The following KRT86 variants were observed in gnomAD, a reference collection of about 807,000 sequenced individuals.
KRT86 encodes the protein keratin 86.
Under a neutral mutation model 41.2 loss-of-function variants are expected in KRT86, and 30 were observed. That is an observed-to-expected ratio of 0.73 (90% CI 0.54 to 0.99). The LOEUF (loss-of-function observed/expected upper bound fraction) is 0.99. Among genes scored for constraint, KRT86 ranks in the 50% least tolerant of loss-of-function variants. The pLI, the probability that KRT86 is intolerant of heterozygous loss-of-function variation, is 0.00. For synonymous variants in KRT86, 238 were observed against 238.1 expected (o/e 1.00, Z 0.00); for missense variants, 561 against 571.4 (o/e 0.98, Z 0.19).
At chr12:52,291,805 G>A (rs1012893631) in intron 2 of KRT86, among the ~76,000 whole-genome samples, 23 of 152,130 alleles carry the variant, frequency 1.5e-4, no homozygotes, top group African/African-American at 5.3e-4. Flanking sequence ...GAGGGAAGGG[G>A]AAGGCAGAGG....
At chr12:52,291,611 T>C in intron 2 of KRT86, 1 of 1,317,796 alleles carries the variant, frequency 7.6e-7, no homozygotes, top group Non-Finnish European at 1.0e-6. Flanking sequence ...GTTGGGGCAA[T>C]TTGCGCTTTA....
Position 52,306,045 on chromosome 12 carries a change from C to G in KRT86, c.1027-15C>G, listed in dbSNP as rs61915661. ...CAGGGACTCTAATCTACCTTGTTCT[C>G]TCTGTTCTCTTCAGAATTCCAAGCT... On this transcript the variant is annotated splice_polypyrimidine_tract_variant and intron_variant, in intron 8 of 10. Coordinates refer to ENST00000423955, the MANE Select transcript of KRT86 (RefSeq NM_001320198.2). 1.2e-6 allele frequency: 2 copies of G among 1,613,646 alleles called. No homozygotes were observed. The highest frequency in any genetic ancestry group is 1.7e-6 in the Non-Finnish European group (2 of 1,179,958).
rs747982135 is a variant in KRT86 at position 52,287,992 on chromosome 12, G to A, written c.-5+12046G>A. On this transcript the variant is annotated intron_variant, in intron 2 of 10. Coordinates refer to ENST00000423955, the MANE Select transcript of KRT86 (RefSeq NM_001320198.2). ...TGTCCTGTGCCACTCACCTTGCTGCGGTACCAGGACTCGGCCTCGGCCCGG... is the reference window on the plus strand; with the variant it reads ...TGTCCTGTGCCACTCACCTTGCTGCAGTACCAGGACTCGGCCTCGGCCCGG... The A allele has an allele frequency of 4.8e-5, 78 of 1,614,080 alleles. No individual in the cohort carries two copies. Among genetic ancestry groups the A allele is most frequent in the South Asian group, 3.2e-4 (29 of 91,080 alleles).
chr12:52,285,173 C>T (rs1315580187), intron 2 of KRT86, among the ~76,000 whole-genome samples: 2 of 152,162 alleles, frequency 1.3e-5, no homozygotes, highest in South Asian at 2.1e-4. Context: ...GAAACAGGCA[C>T]AGAGAGGGTA....
chr12:52,292,808 C>A (rs1938162687), intron 2 of KRT86, among the ~76,000 whole-genome samples: 1 of 152,140 alleles, frequency 6.6e-6, no homozygotes, highest in African/African-American at 2.4e-5. Flanking sequence ...TATTATATCA[C>A]CCCAGGAAGC....
rs1425092701 is a variant in KRT86, at chr12:52,301,927, G to T, written c.11G>T (p.Gly4Val). 6.8e-6 allele frequency: 11 copies of T among 1,613,714 alleles called. No individual in the cohort carries two copies. The highest frequency in any genetic ancestry group is 8.5e-6 in the Non-Finnish European group (10 of 1,179,778). MTC[G>V]SYCGGRAFSC... The stretch of plus-strand genomic sequence containing the variant: ...TCCCCAAAAAGCACCATGACTTGTG[G>T]ATCTTACTGTGGTGGCCGCGCCTTC... The change falls in exon 3 of 11, where the codon GGA becomes GTA. Residue 4 changes from glycine to valine, a missense_variant. Physicochemically the swap from Gly to Val is moderately radical, Grantham distance 109. Around this residue, in one of 3 missense-constraint regions of KRT86, gnomAD observed 164 missense variants for 172.5 expected, o/e 0.95. Transcript: ENST00000423955.
chr12:52,298,628 A>G (rs140675957), intron 2 of KRT86, among the ~76,000 whole-genome samples: 1 of 152,310 alleles, frequency 6.6e-6, no homozygotes, highest in Non-Finnish European at 1.5e-5. Context: ...GGTGGGTACT[A>G]TTATTATCTT....
intron 9 of KRT86, chr12:52,306,548 T>C (rs979114954): frequency 4.2e-5 from 25 of 597,396 alleles, no homozygotes; most frequent in African/African-American, 4.1e-4. Context: ...AGAAGCCTAA[T>C]TAAGGCTTGG....
At chr12:52,306,766 T>C (rs1334998112) in intron 9 of KRT86, 1 of 207,890 alleles carries the variant, frequency 4.8e-6, no homozygotes, top group Non-Finnish European at 9.8e-6. Flanking sequence ...TGGTATTCCA[T>C]TGTGGCAGGT....
chr12:52,274,705 C>T lies in KRT86; in HGVS notation c.-148C>T, dbSNP rs1352618205. ...TGCTCAAGAGAGGCTTGGAGGAGAC[C>T]ACAGTTCTTTCTCCATGGTGAGACT... On this transcript the variant is annotated 5_prime_UTR_variant, in exon 1 of 11. Coordinates refer to ENST00000423955, the MANE Select transcript of KRT86 (RefSeq NM_001320198.2). 5 of 985,256 alleles carry T rather than the reference C, an allele frequency of 5.1e-6. No individual in the cohort carries two copies. The highest frequency in any genetic ancestry group is 1.7e-5 in the African/African-American group (1 of 57,204). 61.0% of individuals were successfully genotyped at this position (985,256 alleles called of 1,614,324 possible). A position where few individuals can be genotyped will look rare whatever the true frequency, so the allele number is the denominator to read the frequency against.
At chr12:52,301,533 C>T (rs1221084215) in intron 2 of KRT86, among the ~76,000 whole-genome samples, 6 of 152,130 alleles carry the variant, frequency 3.9e-5, no homozygotes, top group Admixed American at 6.5e-5. Context: ...GCAGCAGCCC[C>T]GCCCCTTCCC....
chr12:52,300,210 A>G (rs1427724684), intron 2 of KRT86, among the ~76,000 whole-genome samples: 4 of 152,228 alleles, frequency 2.6e-5, no homozygotes, highest in South Asian at 2.1e-4. Flanking sequence ...ATACATATAC[A>G]TAGGCCATAC....
chr12:52,308,175 G>A, intron 9 of KRT86, 58 bp from the exon 10 acceptor site: 2 of 1,612,992 alleles, frequency 1.2e-6, no homozygotes, highest in Middle Eastern at 1.7e-4. Context: ...CTCCACTTCA[G>A]TCACGGGGGC....
At chr12:52,285,984 C>T (rs1937915608) in intron 2 of KRT86, 3 of 522,554 alleles carry the variant, frequency 5.7e-6, no homozygotes, top group Middle Eastern at 5.0e-4. Flanking sequence ...AGGCAGTTGC[C>T]GTGGGCAAGG....
rs1329013660 is a variant in KRT86 at position 52,276,023 on chromosome 12, C to A, written c.-5+77C>A. 4.1e-6 allele frequency: 4 copies of A among 985,590 alleles called. No individual in the cohort carries two copies. The East Asian group carries it at 3.4e-4, about 84-fold the overall frequency. 61.1% of individuals were successfully genotyped at this position (985,590 alleles called of 1,614,324 possible). A position where few individuals can be genotyped will look rare whatever the true frequency, so the allele number is the denominator to read the frequency against. Reference sequence around the variant, plus strand: ...ATTATTTATGACAACTGCCCCTCCCCACCTACCCTTTGGATTAGATGGCTA... The same window carrying A: ...ATTATTTATGACAACTGCCCCTCCCAACCTACCCTTTGGATTAGATGGCTA... On this transcript the variant is annotated intron_variant, in intron 2 of 10. Transcript: ENST00000423955.
At chr12:52,276,484 G>C (rs2121189573) in intron 2 of KRT86, among the ~76,000 whole-genome samples, 1 of 152,308 alleles carries the variant, frequency 6.6e-6, no homozygotes, top group South Asian at 2.1e-4. Context: ...TGGATGTGAG[G>C]CAGAGGGTCC....
chr12:52,305,805 C>A lies in KRT86; in HGVS notation c.1026+17C>A, dbSNP rs200104110. Reference sequence around the variant, plus strand: ...AAGTGCCAGGTATGGGGCATCTGTGCCCAAGGTCAGAGAGACCGAGGGTCT... The same window carrying A: ...AAGTGCCAGGTATGGGGCATCTGTGACCAAGGTCAGAGAGACCGAGGGTCT... On this transcript the variant is annotated intron_variant, in intron 8 of 10. Transcript: ENST00000423955. The A allele has an allele frequency of 1.9e-6, 3 of 1,613,942 alleles. No homozygotes were observed. The South Asian group carries it at 3.3e-5, about 18-fold the overall frequency.
At position 52,288,479 on chromosome 12, in the gene KRT86, A is replaced by G. The variant is rs201353392; in HGVS notation, c.-5+12533A>G. 1.6e-5 allele frequency: 26 copies of G among 1,613,560 alleles called. No homozygotes were observed. The East Asian group carries it at 5.1e-4, about 32-fold the overall frequency. On this transcript the variant is annotated intron_variant, in intron 2 of 10. Transcript: ENST00000423955. ...ATCCTGGAAAGGTGGGGAGTGTTGG[A>G]GCTCAAGGACCCTGGTGATCCAGCC...
intron 2 of KRT86, among the ~76,000 whole-genome samples, chr12:52,283,214 T>C (rs1205868087): frequency 6.7e-6 from 1 of 148,154 alleles, no homozygotes; most frequent in African/African-American, 2.5e-5. Flanking sequence ...GACAATAAGG[T>C]GAAACCCCGT....
Sources: gnomAD v4.1 joint callset for allele counts (sites outside exome capture counted in the v4.1 genomes callset) on GRCh38, gnomAD v4.1.1 for gene constraint, gnomAD v4.1.1 regional missense constraint, MANE v1.5 for transcripts, NCBI Gene and HGNC (gene_info 2026-07-23, HGNC 2026-07-21) for gene names.